Variants in ZNF277 observed in about 807,000 individuals in gnomAD.
The protein encoded by ZNF277 is nuclear receptor-interacting factor 4.
A neutral mutation model predicts 60.7 loss-of-function variants in ZNF277; 55 were observed. The observed-to-expected ratio is 0.91, with a 90% CI of 0.73 to 1.13. ZNF277 has a LOEUF of 1.13. Among genes scored for constraint, ZNF277 ranks in the 50% most tolerant of loss-of-function variants. The pLI is 0.00. For missense variants in ZNF277, 510 were observed against 523.0 expected, an observed-to-expected ratio of 0.98 and a Z score of 0.24; for synonymous variants, 178 against 179.3, an observed-to-expected ratio of 0.99 and a Z score of 0.06.
intron 1 of ZNF277, among the ~76,000 whole-genome samples, chr7:112,217,633 A>G (rs1821920126): frequency 6.6e-6 from 1 of 152,218 alleles, no homozygotes; most frequent in African/African-American, 2.4e-5. Flanking sequence ...TAACTTTGAA[A>G]CAAAGAGATA....
At chr7:112,231,101 C>A (rs1217925694) in intron 1 of ZNF277, among the ~76,000 whole-genome samples, 1 of 151,908 alleles carries the variant, frequency 6.6e-6, no homozygotes, top group Non-Finnish European at 1.5e-5. Flanking sequence ...ATAATCCCAG[C>A]TACTCAGGAG....
chr7:112,247,360 G>A (rs1311408317), intron 1 of ZNF277, among the ~76,000 whole-genome samples: 7 of 152,170 alleles, frequency 4.6e-5, no homozygotes, highest in Non-Finnish European at 7.3e-5. Context: ...GTTCAAACAT[G>A]ATGGAATACG....
chr7:112,290,428 C>T (rs1364683930), intron 2 of ZNF277, among the ~76,000 whole-genome samples: 1 of 151,944 alleles, frequency 6.6e-6, no homozygotes, highest in Non-Finnish European at 1.5e-5. Context: ...GGTCTCGGGA[C>T]TTAGGAGTCA....
chr7:112,330,282 C>G, intron 7 of ZNF277, 66 bp downstream of exon 7: 1 of 1,520,856 alleles, frequency 6.6e-7, no homozygotes, highest in South Asian at 1.1e-5. Context: ...TTCTGAGGAC[C>G]AACTAATATT....
chr7:112,337,982 A>G (rs1793366247), intron 9 of ZNF277, among the ~76,000 whole-genome samples, 156 bp downstream of exon 9: 1 of 152,176 alleles, frequency 6.6e-6, no homozygotes. Context: ...GCTCAGGGCA[A>G]TTTAGTTAGT....
rs187133029 is a variant in ZNF277, at chr7:112,325,825, A to G, written c.558-1892A>G. 9.8e-5 allele frequency among the ~76,000 whole-genome samples: 15 copies of G among 152,298 alleles called. 1 individual carries two copies. The East Asian group carries it at 2.3e-3, about 24-fold the overall frequency. On this transcript the variant is annotated intron_variant, in intron 5 of 11. Transcript: ENST00000361822. ...GAAGGTCTGGCCTATAAGCCTGGAA[A>G]CAAGTTCTAAGGACTGTCAGTCTGT...
chr7:112,262,078 A>T (rs1587128145), intron 1 of ZNF277, among the ~76,000 whole-genome samples: 1 of 152,066 alleles, frequency 6.6e-6, no homozygotes, highest in South Asian at 2.1e-4. Context: ...TCCCTAACTC[A>T]CTATTTTCTA....
chr7:112,210,004 G>T (rs1587074642), intron 1 of ZNF277, among the ~76,000 whole-genome samples: 1 of 152,092 alleles, frequency 6.6e-6, no homozygotes, highest in Non-Finnish European at 1.5e-5. Context: ...TCGTGGGGTT[G>T]GGGGATGGGG....
chr7:112,305,278 T>A (rs1266993546), intron 4 of ZNF277, among the ~76,000 whole-genome samples: 1 of 150,718 alleles, frequency 6.6e-6, no homozygotes, highest in Non-Finnish European at 1.5e-5. Context: ...AAGGGAAGAG[T>A]TTTTGGGGAA....
chr7:112,233,227 G>A (rs1822387354), intron 1 of ZNF277, among the ~76,000 whole-genome samples: 1 of 152,184 alleles, frequency 6.6e-6, no homozygotes, highest in South Asian at 2.1e-4. Flanking sequence ...GTAAATGTCA[G>A]TGTTACTTCT....
chr7:112,274,230 T>G (rs911049011), intron 1 of ZNF277, among the ~76,000 whole-genome samples: 6 of 152,134 alleles, frequency 3.9e-5, no homozygotes, highest in Non-Finnish European at 8.8e-5. Context: ...CGATCACAGC[T>G]CACTGAAGCC....
At chr7:112,324,069 T>C (rs1450188928) in intron 5 of ZNF277, among the ~76,000 whole-genome samples, 2 of 152,210 alleles carry the variant, frequency 1.3e-5, no homozygotes, top group Non-Finnish European at 2.9e-5. Flanking sequence ...CCATTGTGAA[T>C]GTGAAAAAAT....
intron 4 of ZNF277, among the ~76,000 whole-genome samples, chr7:112,315,930 C>T (rs762930503): frequency 6.6e-6 from 1 of 151,998 alleles, no homozygotes; most frequent in Non-Finnish European, 1.5e-5. Flanking sequence ...GATCACTGTC[C>T]CCTGGCTTCT....
intron 5 of ZNF277, among the ~76,000 whole-genome samples, chr7:112,326,922 G>A (rs1045198428): frequency 6.6e-6 from 1 of 152,030 alleles, no homozygotes; most frequent in Non-Finnish European, 1.5e-5. Flanking sequence ...TTTTTGCTAT[G>A]TAAAAGTTAC....
chr7:112,259,519 T>C (rs914517651), intron 1 of ZNF277, among the ~76,000 whole-genome samples: 1 of 152,214 alleles, frequency 6.6e-6, no homozygotes, highest in African/African-American at 2.4e-5. Context: ...TTTTCTAAAT[T>C]AACCACTAAA....
chr7:112,251,264 C>T (rs866079822), intron 1 of ZNF277, among the ~76,000 whole-genome samples: 2 of 152,148 alleles, frequency 1.3e-5, no homozygotes, highest in South Asian at 4.1e-4. Flanking sequence ...TGCCTAAGAT[C>T]CAAGGAGCCT....
chr7:112,341,744 G>A (rs1474683714), intron 11 of ZNF277, among the ~76,000 whole-genome samples: 2 of 152,156 alleles, frequency 1.3e-5, no homozygotes, highest in African/African-American at 4.8e-5. Context: ...AACCTCAGTC[G>A]AGGGCTCCTC....
intron 1 of ZNF277, among the ~76,000 whole-genome samples, chr7:112,215,629 T>G (rs1243888607): frequency 6.6e-6 from 1 of 152,228 alleles, no homozygotes; most frequent in Admixed American, 6.5e-5. Flanking sequence ...CCAGAGGCGC[T>G]GAGCATACTA....
intron 1 of ZNF277, among the ~76,000 whole-genome samples, chr7:112,223,447 G>C (rs1228137634): frequency 1.3e-5 from 2 of 152,234 alleles, no homozygotes; most frequent in Non-Finnish European, 2.9e-5. Flanking sequence ...GCACTAGTAT[G>C]TGTGACTTTT....
Sources: allele counts gnomAD v4.1 joint callset (sites outside exome capture counted in the v4.1 genomes callset), GRCh38; gene constraint gnomAD v4.1.1; transcripts MANE v1.5; gene names NCBI Gene and HGNC (gene_info 2026-07-23, HGNC 2026-07-21).